DR1: variants seen among roughly 807,000 people sequenced by gnomAD.
DR1 encodes the protein protein Dr1.
In DR1, 7 loss-of-function variants were observed where a neutral mutation model predicts 19.9. The ratio of observed to expected loss-of-function variants is 0.35; its 90% CI spans 0.20 to 0.66. The LOEUF (loss-of-function observed/expected upper bound fraction) is 0.66. Ranked by LOEUF, DR1 falls within the 30% of genes least tolerant of loss-of-function variation. The pLI, the probability that DR1 is intolerant of heterozygous loss-of-function variation, is 0.66. For missense variants in DR1, 98 were observed against 203.7 expected (o/e 0.48, Z 3.16); for synonymous variants, 76 against 72.5 (o/e 1.05, Z -0.24).
rs1372830146 is a variant in DR1, at chr1:93,361,940, A to G, written c.*1301A>G. 1 of 152,528 alleles carries G rather than the reference A, an allele frequency of 6.6e-6. No homozygotes were observed. The highest frequency in any genetic ancestry group is 1.5e-5 in the Non-Finnish European group (1 of 67,928). The allele number at this position is 152,528 out of a possible 1,614,324, so 9.4% of individuals were successfully genotyped here. On this transcript the variant is annotated 3_prime_UTR_variant, in exon 3 of 3. Coordinates refer to ENST00000370272, the MANE Select transcript of DR1 (RefSeq NM_001938.3). ...ATGTTGAAGAAATGGCATAATGTCTATATTTTGGAAACAGAAAGGAAAAGT... is the reference window on the plus strand; with the variant it reads ...ATGTTGAAGAAATGGCATAATGTCTGTATTTTGGAAACAGAAAGGAAAAGT...
intron 1 of DR1, among the ~76,000 whole-genome samples, chr1:93,351,514 C>T (rs115997876): frequency 0.026 from 3,676 of 143,846 alleles, 123 homozygotes; most frequent in African/African-American, 0.084. Context: ...CGGCTCTCTA[C>T]AAGCTCTGCC....
In DR1 at chr1:93,360,567, T is replaced by G; in HGVS notation, c.459T>G (p.Leu153=). Residue 153 remains leucine, a synonymous_variant, in exon 3 of 3, where the codon CTT becomes CTG. Coordinates refer to ENST00000370272, the MANE Select transcript of DR1 (RefSeq NM_001938.3). ...AGCAAGCTGCCCAACAAGCCCAGCT[T>G]GCTGCTGCCTCAGCCAGTGCATCTA... ...QMQQAAQQAQ[L]AAASASASNQ... is the part of the protein sequence containing the mutation. 1.2e-6 allele frequency: 2 copies of G among 1,600,624 alleles called. No individual in the cohort carries two copies.
rs1667196578 is a variant in DR1, at chr1:93,368,550, T to C, written c.*7911T>C. ...TGGGGAAAACATACCAGGCTCAAAA[T>C]GGTCTGATTATGCAAATACCTTCTA... is the stretch of plus-strand genomic sequence containing the variant. On this transcript the variant is annotated 3_prime_UTR_variant, in exon 3 of 3. Coordinates refer to ENST00000370272, the MANE Select transcript of DR1 (RefSeq NM_001938.3). The C allele has an allele frequency of 6.6e-6, 1 of 152,194 alleles. No homozygotes were observed. Among genetic ancestry groups the C allele is most frequent in the Non-Finnish European group, 1.5e-5 (1 of 68,028 alleles). The allele number at this position is 152,194 out of a possible 1,614,324, so 9.4% of individuals were successfully genotyped here.
Position 93,351,473 on chromosome 1 carries a change from G to A in DR1, c.221-2435G>A, listed in dbSNP as rs1364510178. Among the ~76,000 whole-genome samples, 13 of 125,692 alleles carry A rather than the reference G, an allele frequency of 1.0e-4. No individual in the cohort carries two copies. The East Asian group carries it at 3.0e-3, about 29-fold the overall frequency. 82.5% of individuals were successfully genotyped at this position (125,692 alleles called of 152,430 possible). On this transcript the variant is annotated intron_variant, in intron 1 of 2. Transcript: ENST00000370272. ...TTTTTTTTTTTTGAGACAGAGTCACGCTGTCAGGCTGGAGTGCAGTGGTGT... is the reference window on the plus strand; with the variant it reads ...TTTTTTTTTTTTGAGACAGAGTCACACTGTCAGGCTGGAGTGCAGTGGTGT...
At chr1:93,356,723 A>ATT (rs34485070) in intron 2 of DR1, among the ~76,000 whole-genome samples, 37 of 139,400 alleles carry the variant, frequency 2.7e-4, no homozygotes, top group African/African-American at 6.6e-4. Flanking sequence ...AACTCTTACA[A>ATT]TTTTTTTTTT....
intron 2 of DR1, among the ~76,000 whole-genome samples, chr1:93,354,722 T>C (rs184027578): frequency 2.6e-4 from 40 of 152,294 alleles, no homozygotes; most frequent in African/African-American, 9.4e-4. Flanking sequence ...GAAGCCGTAG[T>C]AACCATTAGA....
chr1:93,352,172 C>T (rs912372104), intron 1 of DR1, among the ~76,000 whole-genome samples: 2 of 152,174 alleles, frequency 1.3e-5, no homozygotes, highest in African/African-American at 2.4e-5. Flanking sequence ...TGGGCACAAG[C>T]GATCTTCCTG....
rs986505508 is a variant in DR1, at chr1:93,363,728, G to A, written c.*3089G>A. Reference sequence around the variant, plus strand: ...TTTTGCCATATAAGTGACATTCACAGGTTCCAGGGATTCATACGCTGGCTA... The same window carrying A: ...TTTTGCCATATAAGTGACATTCACAAGTTCCAGGGATTCATACGCTGGCTA... On this transcript the variant is annotated 3_prime_UTR_variant, in exon 3 of 3. Coordinates refer to ENST00000370272, the MANE Select transcript of DR1 (RefSeq NM_001938.3). 1 of 152,342 alleles carries A rather than the reference G, an allele frequency of 6.6e-6. No homozygotes were observed. The highest frequency in any genetic ancestry group is 6.5e-5 in the Admixed American group (1 of 15,300). 9.4% of individuals were successfully genotyped at this position (152,342 alleles called of 1,614,324 possible). A position where few individuals can be genotyped will look rare whatever the true frequency, so the allele number is the denominator to read the frequency against.
chr1:93,369,019 A>G lies in DR1; in HGVS notation c.*8380A>G, dbSNP rs970664801. ...TATAAATTTTAAAAATAATATAACA[A>G]TATTTATATATCATTTACATTATGT... On this transcript the variant is annotated 3_prime_UTR_variant, in exon 3 of 3. Transcript: ENST00000370272. The G allele has an allele frequency of 3.2e-4, 49 of 152,210 alleles. No homozygotes were observed. Among genetic ancestry groups the G allele is most frequent in the African/African-American group, 1.1e-3 (47 of 41,546 alleles). 9.4% of individuals were successfully genotyped at this position (152,210 alleles called of 1,614,324 possible). A position where few individuals can be genotyped will look rare whatever the true frequency, so the allele number is the denominator to read the frequency against.
At position 93,361,811 on chromosome 1, in the gene DR1, C is replaced by T. The variant is rs1667055911; in HGVS notation, c.*1172C>T. 6.6e-6 allele frequency: 1 copy of T among 152,422 alleles called. No individual in the cohort carries two copies. Among genetic ancestry groups the T allele is most frequent in the Non-Finnish European group, 1.5e-5 (1 of 67,900 alleles). 9.4% of individuals were successfully genotyped at this position (152,422 alleles called of 1,614,324 possible). A position where few individuals can be genotyped will look rare whatever the true frequency, so the allele number is the denominator to read the frequency against. ...ATATGAAACATAAGTTGTGTTATAA[C>T]TTATCAGCCGTATATGGAACATAAA... On this transcript the variant is annotated 3_prime_UTR_variant, in exon 3 of 3. Transcript: ENST00000370272.
At position 93,363,080 on chromosome 1, in the gene DR1, A is replaced by G. The variant is rs1667077514; in HGVS notation, c.*2441A>G. Reference sequence around the variant, plus strand: ...TGCATATACCACACACACACAAAACAGTACACAAATAAAGGTTTTCACAAA... The same window carrying G: ...TGCATATACCACACACACACAAAACGGTACACAAATAAAGGTTTTCACAAA... On this transcript the variant is annotated 3_prime_UTR_variant, in exon 3 of 3. Coordinates refer to ENST00000370272, the MANE Select transcript of DR1 (RefSeq NM_001938.3). 1 of 151,966 alleles carries G rather than the reference A, an allele frequency of 6.6e-6. No homozygotes were observed. The highest frequency in any genetic ancestry group is 1.9e-4 in the East Asian group (1 of 5,198). 9.4% of individuals were successfully genotyped at this position (151,966 alleles called of 1,614,324 possible). A position where few individuals can be genotyped will look rare whatever the true frequency, so the allele number is the denominator to read the frequency against.
At position 93,366,434 on chromosome 1, in the gene DR1, A is replaced by G. The variant is rs878860822; in HGVS notation, c.*5795A>G. On this transcript the variant is annotated 3_prime_UTR_variant, in exon 3 of 3. Transcript: ENST00000370272. ...ACAGATCTGTATATTCGCAATTGAA[A>G]TAGGGAAAGTCTTTATATTCATATA... is the stretch of plus-strand genomic sequence containing the variant. The G allele has an allele frequency of 2.0e-5, 3 of 152,180 alleles. No homozygotes were observed. The highest frequency in any genetic ancestry group is 7.2e-5 in the African/African-American group (3 of 41,434). 9.4% of individuals were successfully genotyped at this position (152,180 alleles called of 1,614,324 possible). A position where few individuals can be genotyped will look rare whatever the true frequency, so the allele number is the denominator to read the frequency against.
chr1:93,347,170 G>T (rs1475798574), intron 1 of DR1, among the ~76,000 whole-genome samples: 1 of 152,224 alleles, frequency 6.6e-6, no homozygotes, highest in Non-Finnish European at 1.5e-5. Context: ...TTACTTGCCT[G>T]AAGTTGAACT....
intron 2 of DR1, among the ~76,000 whole-genome samples, chr1:93,359,243 A>G (rs1039703211): frequency 2.0e-5 from 3 of 152,236 alleles, no homozygotes; most frequent in Admixed American, 1.3e-4. Context: ...AGGATTGTAC[A>G]TGGTAAAATC....
rs1037702376 is a variant in DR1 at position 93,368,517 on chromosome 1, C to G, written c.*7878C>G. 1 of 152,060 alleles carries G rather than the reference C, an allele frequency of 6.6e-6. No homozygotes were observed. Among genetic ancestry groups the G allele is most frequent in the African/African-American group, 2.4e-5 (1 of 41,400 alleles). 9.4% of individuals were successfully genotyped at this position (152,060 alleles called of 1,614,324 possible). On this transcript the variant is annotated 3_prime_UTR_variant, in exon 3 of 3. Coordinates refer to ENST00000370272, the MANE Select transcript of DR1 (RefSeq NM_001938.3). The stretch of plus-strand genomic sequence containing the variant: ...TGTTGTTAAGGCATCTAAGGATGCT[C>G]CAATTACTGGGGAAAACATACCAGG...
Position 93,366,473 on chromosome 1 carries a change from A to G in DR1, c.*5834A>G, listed in dbSNP as rs1667131394. 1 of 152,218 alleles carries G rather than the reference A, an allele frequency of 6.6e-6. No individual in the cohort carries two copies. The highest frequency in any genetic ancestry group is 2.1e-4 in the South Asian group (1 of 4,834). 9.4% of individuals were successfully genotyped at this position (152,218 alleles called of 1,614,324 possible). A position where few individuals can be genotyped will look rare whatever the true frequency, so the allele number is the denominator to read the frequency against. On this transcript the variant is annotated 3_prime_UTR_variant, in exon 3 of 3. Coordinates refer to ENST00000370272, the MANE Select transcript of DR1 (RefSeq NM_001938.3). ...TATATTCATATAAAGATAATTTATA[A>G]TACAATAAGTCCTCAATGTTGTTGA...
At position 93,367,871 on chromosome 1, in the gene DR1, G is replaced by C. The variant is rs952989369; in HGVS notation, c.*7232G>C. The C allele has an allele frequency of 6.6e-6, 1 of 152,160 alleles. No individual in the cohort carries two copies. The highest frequency in any genetic ancestry group is 1.5e-5 in the Non-Finnish European group (1 of 68,062). The allele number at this position is 152,160 out of a possible 1,614,324, so 9.4% of individuals were successfully genotyped here. The stretch of plus-strand genomic sequence containing the variant: ...TGCTAAAATACAAAAAATTAGCCAG[G>C]CTTGGTGGTGTGCACCTGTAGTCCC... On this transcript the variant is annotated 3_prime_UTR_variant, in exon 3 of 3. Transcript: ENST00000370272.
chr1:93,348,128 A>G (rs1048774042), intron 1 of DR1, among the ~76,000 whole-genome samples: 1 of 152,094 alleles, frequency 6.6e-6, no homozygotes, highest in Non-Finnish European at 1.5e-5. Context: ...AAGTAGTTTT[A>G]AAATATATCC....
intron 1 of DR1, among the ~76,000 whole-genome samples, chr1:93,348,529 G>A (rs1388560082): frequency 6.6e-6 from 1 of 152,084 alleles, no homozygotes; most frequent in Admixed American, 6.6e-5. Flanking sequence ...TCTTCTTGGG[G>A]AGAGTTGATT....
Sources: allele counts gnomAD v4.1 joint callset (sites outside exome capture counted in the v4.1 genomes callset), GRCh38; gene constraint gnomAD v4.1.1; transcripts MANE v1.5; gene names NCBI Gene and HGNC (gene_info 2026-07-23, HGNC 2026-07-21).